The following NFIB variants were observed in gnomAD, a reference collection of about 807,000 sequenced individuals.
NFIB encodes the protein nuclear factor 1 B-type.
NFIB carries 11 observed loss-of-function variants against 61.5 expected under a neutral mutation model. The ratio of observed to expected loss-of-function variants is 0.18; its 90% confidence interval spans 0.11 to 0.30. The LOEUF is 0.30. NFIB is among the 10% of genes least tolerant of loss of function. The pLI, the probability that NFIB is intolerant of heterozygous loss-of-function variation, is 1.00. For missense variants in NFIB, 471 were observed against 608.9 expected, an observed-to-expected ratio of 0.77 and a Z score of 2.38; for synonymous variants, 260 against 216.5, an observed-to-expected ratio of 1.20 and a Z score of -1.76.
At chr9:14,201,357 C>A (rs897764026) in intron 2 of NFIB, among the ~76,000 whole-genome samples, 1 of 152,172 alleles carries the variant, frequency 6.6e-6, no homozygotes, top group East Asian at 1.9e-4. Flanking sequence ...CTTTACCCTC[C>A]CCCTCACACC....
intron 6 of NFIB, among the ~76,000 whole-genome samples, chr9:14,136,380 G>C (rs549503187): frequency 5.3e-5 from 8 of 151,956 alleles, no homozygotes; most frequent in South Asian, 4.1e-4. Context: ...CATGCCTCTC[G>C]GGAAAACCTC....
intron 2 of NFIB, among the ~76,000 whole-genome samples, chr9:14,232,703 T>C (rs576600234): frequency 6.6e-6 from 1 of 152,328 alleles, no homozygotes; most frequent in South Asian, 2.1e-4. Context: ...AAATGAGAAA[T>C]TTAAGGAGCA....
chr9:14,311,231 T>C (rs1377270264), intron 1 of NFIB, among the ~76,000 whole-genome samples: 1 of 152,128 alleles, frequency 6.6e-6, no homozygotes, highest in Non-Finnish European at 1.5e-5. Context: ...CCTAGATACC[T>C]TATTGCAACA....
intron 1 of NFIB, among the ~76,000 whole-genome samples, chr9:14,335,452 A>G (rs2132859139): frequency 6.6e-6 from 1 of 152,348 alleles, no homozygotes; most frequent in Non-Finnish European, 1.5e-5. Flanking sequence ...AGCGTTGAAC[A>G]TCTCTTTATG....
At chr9:14,192,452 TA>T (rs1223433427) in intron 2 of NFIB, among the ~76,000 whole-genome samples, 4 of 152,154 alleles carry the variant, frequency 2.6e-5, no homozygotes, top group Non-Finnish European at 5.9e-5. Context: ...AATTGCCCTG[TA>T]ACGGTAACTT....
chr9:14,422,410 C>T, the NFIB span, among the ~76,000 whole-genome samples: 1 of 152,200 alleles, frequency 6.6e-6, no homozygotes, highest in Non-Finnish European at 1.5e-5. Context: ...TGGCCTGGTG[C>T]TTCTCTGCCT....
rs1305776689 is a variant in NFIB at position 14,256,784 on chromosome 9, C to G, written c.562+50205G>C. ...CAGGGTGATCTGCTCCAACAATGCA[C>G]CAGTTCCAGAGGTCCTCTGCAGAAC... On this transcript the variant is annotated intron_variant, in intron 2 of 10. Coordinates refer to ENST00000380953, the MANE Select transcript of NFIB (RefSeq NM_001190737.2). Among the ~76,000 whole-genome samples, 3 of 152,276 alleles carry G rather than the reference C, an allele frequency of 2.0e-5. No individual in the cohort carries two copies. In the East Asian group the frequency reaches 5.8e-4, roughly 29 times the overall value.
At chr9:14,456,675 T>C in the NFIB span, among the ~76,000 whole-genome samples, 1 of 152,160 alleles carries the variant, frequency 6.6e-6, no homozygotes, top group Non-Finnish European at 1.5e-5. Flanking sequence ...GTTTCAGCTA[T>C]TAGATTGCAG....
chr9:14,218,692 G>T (rs1052570635), intron 2 of NFIB, among the ~76,000 whole-genome samples: 1 of 152,132 alleles, frequency 6.6e-6, no homozygotes, highest in African/African-American at 2.4e-5. Flanking sequence ...ATTTGGTTGG[G>T]GGTTTGGCAT....
At chr9:14,476,595 C>T in the NFIB span, among the ~76,000 whole-genome samples, 13 of 152,258 alleles carry the variant, frequency 8.5e-5, no homozygotes, top group African/African-American at 3.1e-4. Context: ...AGGATTATTT[C>T]TCCTTGTAAG....
chr9:14,246,381 G>A (rs2054927269), intron 2 of NFIB, among the ~76,000 whole-genome samples: 2 of 152,092 alleles, frequency 1.3e-5, no homozygotes. Flanking sequence ...ACAGGACTGT[G>A]CTCCAGCCAG....
chr9:14,111,253 A>G (rs117202510), intron 10 of NFIB, among the ~76,000 whole-genome samples: 2 of 152,180 alleles, frequency 1.3e-5, no homozygotes, highest in Non-Finnish European at 2.9e-5. Flanking sequence ...TGAAAGAAGT[A>G]ATTCTTATGT....
chr9:14,265,505 G>C (rs967579248), intron 2 of NFIB, among the ~76,000 whole-genome samples: 4 of 152,192 alleles, frequency 2.6e-5, no homozygotes, highest in Non-Finnish European at 5.9e-5. Context: ...GCCAAGAGAA[G>C]AAGCTTCAGA....
chr9:14,282,542 G>A lies in NFIB; in HGVS notation c.562+24447C>T, dbSNP rs990177663. ...TTCTAATGTGATTACTCACAGAAATGGCAGTTGATAAACATAGTCTTTAGA... is the reference window on the plus strand; with the variant it reads ...TTCTAATGTGATTACTCACAGAAATAGCAGTTGATAAACATAGTCTTTAGA... On this transcript the variant is annotated intron_variant, in intron 2 of 10. Transcript: ENST00000380953. Among the ~76,000 whole-genome samples, 3 of 152,208 alleles carry A rather than the reference G, an allele frequency of 2.0e-5. No individual in the cohort carries two copies. The East Asian group carries it at 5.8e-4, about 29-fold the overall frequency.
chr9:14,160,103 C>G (rs2131262005), intron 3 of NFIB, among the ~76,000 whole-genome samples: 1 of 152,266 alleles, frequency 6.6e-6, no homozygotes, highest in East Asian at 1.9e-4. Flanking sequence ...GCTGTATTTA[C>G]ACTACATGTG....
chr9:14,318,505 C>CTTTTTTTTTTTTTTT (rs34481505), upstream of NFIB, among the ~76,000 whole-genome samples: 82 of 66,836 alleles, frequency 1.2e-3, no homozygotes, highest in East Asian at 2.6e-3. Context: ...CACTCGATGC[C>CTTTTTTTTTTTTTTT]TTTTTTTTTT....
chr9:14,368,518 C>T (rs1052500602), intron 1 of NFIB, among the ~76,000 whole-genome samples: 17 of 152,230 alleles, frequency 1.1e-4, no homozygotes, highest in Non-Finnish European at 2.4e-4. Context: ...GGTGCAACTG[C>T]ACACACAACT....
chr9:14,316,694 C>G (rs561284309), upstream of NFIB, among the ~76,000 whole-genome samples: 130 of 152,148 alleles, frequency 8.5e-4, no homozygotes, highest in Non-Finnish European at 1.6e-3. Flanking sequence ...CACACACACA[C>G]AGAGAAACCA....
At chr9:14,437,338 G>A in the NFIB span, among the ~76,000 whole-genome samples, 8 of 152,248 alleles carry the variant, frequency 5.3e-5, no homozygotes, top group African/African-American at 7.2e-5. Flanking sequence ...TCCCTTTGTC[G>A]GTTTCCAAAT....
Sources: allele counts gnomAD v4.1 joint callset (sites outside exome capture counted in the v4.1 genomes callset), GRCh38; gene constraint gnomAD v4.1.1; transcripts MANE v1.5; gene names NCBI Gene and HGNC (gene_info 2026-07-23, HGNC 2026-07-21).